TUBB8: variants seen among roughly 807,000 people sequenced by gnomAD.
The protein encoded by TUBB8 is tubulin beta-8 chain.
Under a neutral mutation model 33.7 loss-of-function variants are expected in TUBB8, and 25 were observed. The ratio of observed to expected loss-of-function variants is 0.74; its 90% CI spans 0.54 to 1.04. The LOEUF (loss-of-function observed/expected upper bound fraction) is 1.04, where lower values mean the gene tolerates loss of function less well. Ranked by LOEUF, TUBB8 falls within the 50% of genes least tolerant of loss-of-function variation. The probability of loss-of-function intolerance (pLI) is 0.00; values close to 1 mark genes in which losing one functional copy is unlikely to be tolerated. For synonymous variants in TUBB8, 245 were observed against 240.1 expected (o/e 1.02, Z -0.19); for missense variants, 279 against 608.0 (o/e 0.46, Z 5.69).
chr10:49,282 G>A lies in TUBB8; in HGVS notation c.-44C>T, dbSNP rs369719593. On this transcript the variant is annotated 5_prime_UTR_variant, in exon 1 of 4. Transcript: ENST00000568584. ...ACGGCAGGAGAAACGTGAGAAGGAG[G>A]AGCAGACGCGCAGCGACCCAGCCCG... is the stretch of plus-strand genomic sequence containing the variant. 109 of 1,553,156 alleles carry A rather than the reference G, an allele frequency of 7.0e-5. No homozygotes were observed. The African/African-American group carries it at 1.2e-3, about 17-fold the overall frequency.
intron 1 of TUBB8, among the ~76,000 whole-genome samples, chr10:70,126 G>GT (rs1554742117): frequency 1.3e-5 from 2 of 152,154 alleles, no homozygotes; most frequent in East Asian, 3.9e-4. Context: ...GCTGGTTCCT[G>GT]CAAAAGGTGT....
At chr10:55,156 G>A (rs1355127345) in intron 1 of TUBB8, among the ~76,000 whole-genome samples, 1 of 152,244 alleles carries the variant, frequency 6.6e-6, no homozygotes, top group East Asian at 1.9e-4. Context: ...CGAGGAAGCA[G>A]GCACCTCTTC....
At chr10:76,153 A>AC (rs1178831577), upstream of TUBB8, among the ~76,000 whole-genome samples, 2 of 150,850 alleles carry the variant, frequency 1.3e-5, no homozygotes, top group Non-Finnish European at 3.0e-5. Context: ...AAAAAAAAAA[A>AC]AAAAAAACAC....
upstream of TUBB8, among the ~76,000 whole-genome samples, chr10:50,910 G>C (rs1335132729): frequency 6.6e-6 from 1 of 152,128 alleles, no homozygotes; most frequent in Non-Finnish European, 1.5e-5. Flanking sequence ...CCTTGGGATG[G>C]TCCAGGGAAT....
upstream of TUBB8, among the ~76,000 whole-genome samples, chr10:51,883 CAGAGGATCGCTAAGGAA>C (rs1398194525): frequency 6.6e-6 from 1 of 152,262 alleles, no homozygotes; most frequent in Non-Finnish European, 1.5e-5. Flanking sequence ...GGCTAAAAGT[CAGAGGATCGCTAAGGAA>C]AGTAAAAGCT....
intron 1 of TUBB8, among the ~76,000 whole-genome samples, chr10:70,538 T>C (rs1304499447): frequency 6.6e-6 from 1 of 152,064 alleles, no homozygotes; most frequent in East Asian, 1.9e-4. Flanking sequence ...ACTAGAAAGA[T>C]ATAAATTAGA....
chr10:74,625 C>CAAAA (rs35723619), upstream of TUBB8, among the ~76,000 whole-genome samples: 58 of 89,590 alleles, frequency 6.5e-4, no homozygotes, highest in East Asian at 1.7e-3. Flanking sequence ...GACTCAGTAT[C>CAAAA]AAAAAAAAAA....
intron 1 of TUBB8, among the ~76,000 whole-genome samples, chr10:73,403 G>A (rs1416626993): frequency 6.6e-6 from 1 of 152,200 alleles, no homozygotes; most frequent in Non-Finnish European, 1.5e-5. Context: ...CACTTTGGGA[G>A]GCCGAGGTGG....
chr10:74,866 ATTTTTTTTTTTT>A (rs573408150), upstream of TUBB8, among the ~76,000 whole-genome samples: 1 of 115,820 alleles, frequency 8.6e-6, no homozygotes, highest in African/African-American at 3.2e-5. Flanking sequence ...GTCTGTGCCA[ATTTTTTTTTTTT>A]TTTTTTTTTT....
upstream of TUBB8, chr10:49,996 G>A (rs1287598211): frequency 6.1e-6 from 1 of 163,556 alleles, no homozygotes; most frequent in East Asian, 1.8e-4. Context: ...TTTTTCAGAT[G>A]GGGTGGGGAA....
chr10:68,281 ACTGATATGACACCTGTAAGG>A, intron 1 of TUBB8, among the ~76,000 whole-genome samples: 1 of 152,366 alleles, frequency 6.6e-6, no homozygotes, highest in South Asian at 2.1e-4. Context: ...CACCCATAAT[ACTGATATGACACCTGTAAGG>A]CTGATATGAC....
At chr10:49,752 T>G, upstream of TUBB8, 1 of 365,296 alleles carries the variant, frequency 2.7e-6, no homozygotes, top group South Asian at 2.1e-5. Flanking sequence ...TAACCCACAA[T>G]AAGCTATGGG....
At chr10:73,436 G>A (rs1834763646) in intron 1 of TUBB8, among the ~76,000 whole-genome samples, 1 of 152,210 alleles carries the variant, frequency 6.6e-6, no homozygotes, top group Non-Finnish European at 1.5e-5. Context: ...ATGAGGTTGG[G>A]AGTTCAAGAC....
At chr10:65,825 C>T (rs1315162147) in intron 1 of TUBB8, among the ~76,000 whole-genome samples, 1 of 152,246 alleles carries the variant, frequency 6.6e-6, no homozygotes, top group Non-Finnish European at 1.5e-5. Context: ...TCACTACATC[C>T]TTTTCTCAGA....
chr10:49,165 G>A lies in TUBB8; in HGVS notation c.57+17C>T, dbSNP rs2131813953. On this transcript the variant is annotated intron_variant, in intron 1 of 3. Transcript: ENST00000568584. ...CCGGCAGGCCCGGGCTAGGCCCTCA[G>A]AGCCCCGGCTGCCAACCTTGGCGCC... 6.4e-7 allele frequency: 1 copy of A among 1,563,360 alleles called. No homozygotes were observed. The highest frequency in any genetic ancestry group is 8.7e-7 in the Non-Finnish European group (1 of 1,154,860).
At chr10:69,854 G>A (rs1834715106) in intron 1 of TUBB8, among the ~76,000 whole-genome samples, 1 of 152,224 alleles carries the variant, frequency 6.6e-6, no homozygotes, top group Non-Finnish European at 1.5e-5. Context: ...TGGTGCCAGA[G>A]GACTCCAGCC....
At chr10:53,011 T>A (rs1306802982), upstream of TUBB8, among the ~76,000 whole-genome samples, 1 of 152,248 alleles carries the variant, frequency 6.6e-6, no homozygotes, top group African/African-American at 2.4e-5. Context: ...GTGAAATTAG[T>A]ACTCAAAGAT....
chr10:49,340 A>C, upstream of TUBB8: 2 of 1,222,322 alleles, frequency 1.6e-6, no homozygotes, highest in South Asian at 1.3e-5. Flanking sequence ...CCCCGCGCCC[A>C]CCTCCCTCCG....
chr10:52,374 C>T (rs61840060), upstream of TUBB8, among the ~76,000 whole-genome samples: 20,850 of 123,452 alleles, frequency 0.17, no homozygotes, highest in African/African-American at 0.31. Flanking sequence ...AGGGTCCTGA[C>T]ACAGACCACA....
Sources: gnomAD v4.1 joint callset for allele counts (sites outside exome capture counted in the v4.1 genomes callset) on GRCh38, gnomAD v4.1.1 for gene constraint, MANE v1.5 for transcripts, NCBI Gene and HGNC (gene_info 2026-07-23, HGNC 2026-07-21) for gene names.